GABRA3: variants seen among roughly 807,000 people sequenced by gnomAD.
The protein encoded by GABRA3 is gamma-aminobutyric acid receptor subunit alpha-3.
Under a neutral mutation model 30.1 loss-of-function variants are expected in GABRA3, and 10 were observed. That is an observed-to-expected ratio of 0.33 (90% CI 0.20 to 0.56). The LOEUF is 0.56. GABRA3 is among the 20% of genes least tolerant of loss of function. The probability of loss-of-function intolerance (pLI) is 0.89; values close to 1 mark genes in which losing one functional copy is unlikely to be tolerated. For missense variants in GABRA3, 233 were observed against 392.0 expected, an observed-to-expected ratio of 0.59 and a Z score of 3.42; for synonymous variants, 151 against 146.8, an observed-to-expected ratio of 1.03 and a Z score of -0.21.
At chrX:152,375,838 C>T (rs1928982744) in intron 1 of GABRA3, among the ~76,000 whole-genome samples, 2 of 112,044 alleles carry the variant, frequency 1.8e-5, no homozygotes, top group Admixed American at 1.9e-4. Flanking sequence ...TCTCAAGTTG[C>T]CTATTTAGGG....
intron 9 of GABRA3, among the ~76,000 whole-genome samples, chrX:152,182,534 CATAT>C (rs1399330963): frequency 5.9e-5 from 4 of 68,331 alleles, no homozygotes; most frequent in South Asian, 1.5e-3. Flanking sequence ...ACTATATATG[CATAT>C]ATAGTGTATA....
chrX:152,401,810 C>G (rs1443107675), intron 1 of GABRA3, among the ~76,000 whole-genome samples: 1 of 111,240 alleles, frequency 9.0e-6, no homozygotes, highest in Non-Finnish European at 1.9e-5. Flanking sequence ...GCTTGGAGAC[C>G]ATTGTAGGAG....
chrX:152,213,163 G>A (rs1937654298), intron 6 of GABRA3, among the ~76,000 whole-genome samples: 1 of 111,977 alleles, frequency 8.9e-6, no homozygotes, highest in African/African-American at 3.2e-5. Context: ...AGGAAAAAAG[G>A]AAGTAACAAA....
intron 1 of GABRA3, among the ~76,000 whole-genome samples, chrX:152,370,364 A>G (rs1928803656): frequency 8.9e-6 from 1 of 111,993 alleles, no homozygotes; most frequent in African/African-American, 3.2e-5. Flanking sequence ...TGTTACCCAG[A>G]TACTACAAAG....
At chrX:152,376,090 G>C (rs1333447613) in intron 1 of GABRA3, among the ~76,000 whole-genome samples, 1 of 111,785 alleles carries the variant, frequency 8.9e-6, no homozygotes, top group Non-Finnish European at 1.9e-5. Context: ...CTGACAATCA[G>C]AATTGCCTGA....
intron 1 of GABRA3, among the ~76,000 whole-genome samples, chrX:152,435,544 A>G (rs1370777430): frequency 1.9e-5 from 2 of 104,514 alleles, no homozygotes; most frequent in Non-Finnish European, 3.9e-5. Context: ...GAGTTGAACA[A>G]TGAGAACACA....
At chrX:152,241,208 C>A (rs1292230432) in intron 5 of GABRA3, among the ~76,000 whole-genome samples, 1 of 96,011 alleles carries the variant, frequency 1.0e-5, no homozygotes, top group South Asian at 5.0e-4. Flanking sequence ...GTTAGTTTTC[C>A]TTCTAACAGA....
At chrX:152,408,362 A>T (rs765288148) in intron 1 of GABRA3, among the ~76,000 whole-genome samples, 152 of 112,053 alleles carry the variant, frequency 1.4e-3, no homozygotes, top group African/African-American at 4.9e-3. Flanking sequence ...ACTGATTTTT[A>T]AAAACTCAGT....
At chrX:152,389,118 T>C (rs1929406690) in intron 1 of GABRA3, among the ~76,000 whole-genome samples, 1 of 112,255 alleles carries the variant, frequency 8.9e-6, no homozygotes. Context: ...GTATATGTGT[T>C]GCTTGACTTA....
chrX:152,214,535 G>T (rs775891515), intron 6 of GABRA3, among the ~76,000 whole-genome samples: 4 of 111,010 alleles, frequency 3.6e-5, no homozygotes, highest in South Asian at 7.6e-4. Flanking sequence ...TAATCCTTTT[G>T]CTCAGTATGG....
At chrX:152,357,517 GGATATTA>G (rs1158685286) in intron 2 of GABRA3, among the ~76,000 whole-genome samples, 15 of 111,292 alleles carry the variant, frequency 1.3e-4, no homozygotes, top group African/African-American at 4.6e-4. Context: ...TATAGATGCT[GGATATTA>G]GACCCTTGTT....
At chrX:152,194,420 A>C (rs940106617) in intron 8 of GABRA3, among the ~76,000 whole-genome samples, 5 of 100,456 alleles carry the variant, frequency 5.0e-5, no homozygotes, top group African/African-American at 7.1e-5. Context: ...TAAATATTTC[A>C]AAATATTTTT....
Position 152,340,221 on chromosome X carries a change from A to G in GABRA3, c.262+5360T>C, listed in dbSNP as rs1390612872. On this transcript the variant is annotated intron_variant, in intron 3 of 9. Coordinates refer to ENST00000370314, the MANE Select transcript of GABRA3 (RefSeq NM_000808.4). The stretch of plus-strand genomic sequence containing the variant: ...TGCACATCCTTATCACAGTTTACCT[A>G]CAGGTAATATTATCTCACTTTCTGT... 2.7e-5 allele frequency among the ~76,000 whole-genome samples: 3 copies of G among 112,364 alleles called. No homozygotes were observed. In the Admixed American group the frequency reaches 2.8e-4, roughly 11 times the overall value.
intron 3 of GABRA3, among the ~76,000 whole-genome samples, chrX:152,333,830 C>A (rs1002100702): frequency 9.0e-6 from 1 of 111,523 alleles, no homozygotes; most frequent in African/African-American, 3.2e-5. Flanking sequence ...TTTTAAAACT[C>A]CACAAGTTTA....
In GABRA3 at chrX:152,411,754, A is replaced by G. The variant is rs775052501; in HGVS notation, c.-27+39392T>C. ...CCATCAAAAACAAAAACTTCTATGC[A>G]TCAAATGATGCAATCAAGGGAGTGA... On this transcript the variant is annotated intron_variant, in intron 1 of 9. Transcript: ENST00000370314. Among the ~76,000 whole-genome samples, 5 of 112,054 alleles carry G rather than the reference A, an allele frequency of 4.5e-5. No individual in the cohort carries two copies. In the East Asian group the frequency reaches 1.4e-3, roughly 32 times the overall value.
chrX:152,188,870 C>G (rs1937288674), intron 9 of GABRA3, among the ~76,000 whole-genome samples: 1 of 111,860 alleles, frequency 8.9e-6, no homozygotes, highest in South Asian at 3.7e-4. Flanking sequence ...TTTTGATAAT[C>G]TTCATCTAGT....
At chrX:152,400,442 G>C (rs1446301495) in intron 1 of GABRA3, among the ~76,000 whole-genome samples, 2 of 111,207 alleles carry the variant, frequency 1.8e-5, no homozygotes. Context: ...CCAGGAGTTG[G>C]AGGCTGCAGT....
chrX:152,199,569 T>C (rs1046888440), intron 7 of GABRA3, among the ~76,000 whole-genome samples: 49 of 110,822 alleles, frequency 4.4e-4, no homozygotes, highest in African/African-American at 1.6e-3. Context: ...ACATTTCTGT[T>C]AAGTTGCACA....
intron 3 of GABRA3, among the ~76,000 whole-genome samples, chrX:152,338,693 G>A (rs1330170010): frequency 8.9e-6 from 1 of 112,043 alleles, no homozygotes; most frequent in Non-Finnish European, 1.9e-5. Context: ...AATTCATTTT[G>A]ATTTGATTAT....
Sources: gnomAD v4.1 joint callset for allele counts (sites outside exome capture counted in the v4.1 genomes callset) on GRCh38, gnomAD v4.1.1 for gene constraint, MANE v1.5 for transcripts, NCBI Gene and HGNC (gene_info 2026-07-23, HGNC 2026-07-21) for gene names.